Variants in LRGUK observed in about 807,000 individuals in gnomAD.
LRGUK encodes the protein leucine rich repeats and guanylate kinase domain containing.
A neutral mutation model predicts 76.0 loss-of-function variants in LRGUK; 65 were observed. The observed-to-expected ratio is 0.85, with a 90% CI of 0.70 to 1.05. LRGUK has a LOEUF of 1.05. Ranked by LOEUF, LRGUK falls within the 50% of genes least tolerant of loss-of-function variation. The pLI is 0.00. For synonymous variants in LRGUK, 268 were observed against 265.6 expected, an observed-to-expected ratio of 1.01 and a Z score of -0.09; for missense variants, 758 against 732.8, an observed-to-expected ratio of 1.03 and a Z score of -0.40.
intron 16 of LRGUK, among the ~76,000 whole-genome samples, chr7:134,238,327 C>T (rs138422748): frequency 1.8e-4 from 27 of 152,130 alleles, no homozygotes; most frequent in Admixed American, 9.2e-4. Flanking sequence ...TACCCTGTTT[C>T]CTTGTTTTGT....
the LRGUK span, among the ~76,000 whole-genome samples, chr7:134,274,189 T>C: frequency 2.0e-5 from 3 of 152,226 alleles, no homozygotes; most frequent in Non-Finnish European, 4.4e-5. Flanking sequence ...TTTTAATTAA[T>C]TGAAAGGTAG....
chr7:134,255,430 C>T (rs902623223), intron 18 of LRGUK, among the ~76,000 whole-genome samples: 2 of 152,310 alleles, frequency 1.3e-5, no homozygotes, highest in African/African-American at 2.4e-5. Context: ...TGTGCTAAGC[C>T]ACTTGGCTAC....
At chr7:134,207,039 A>G (rs1801037460) in intron 15 of LRGUK, among the ~76,000 whole-genome samples, 1 of 152,226 alleles carries the variant, frequency 6.6e-6, no homozygotes, top group South Asian at 2.1e-4. Flanking sequence ...TGGGGAACAC[A>G]TCCTTATATA....
intron 1 of LRGUK, among the ~76,000 whole-genome samples, chr7:134,133,913 T>C (rs1797417644): frequency 6.6e-6 from 1 of 151,728 alleles, no homozygotes; most frequent in Admixed American, 6.6e-5. Flanking sequence ...ATTATAAAAA[T>C]TAGCCAGGCA....
rs567442627 is a variant in LRGUK at position 134,165,109 on chromosome 7, A to G, written c.939+1569A>G. ...AAAGCTCTCATTAAATCTCAACTCA[A>G]TGCATCTCAGGATTTAGGAAAAGGA... is the stretch of plus-strand genomic sequence containing the variant. On this transcript the variant is annotated intron_variant, in intron 7 of 15. Transcript: ENST00000645682. Among the ~76,000 whole-genome samples the G allele has an allele frequency of 1.9e-4, 29 of 152,264 alleles. 1 individual carries two copies. The highest frequency in any genetic ancestry group is 6.7e-4 in the African/African-American group (28 of 41,558).
chr7:134,214,715 T>G (rs1345997842), downstream of LRGUK, among the ~76,000 whole-genome samples: 1 of 152,126 alleles, frequency 6.6e-6, no homozygotes, highest in Non-Finnish European at 1.5e-5. Context: ...TTTTAGTATT[T>G]TTTAAATTTT....
At chr7:134,194,287 GT>G (rs1030573862) in intron 12 of LRGUK, among the ~76,000 whole-genome samples, 5 of 151,684 alleles carry the variant, frequency 3.3e-5, no homozygotes, top group South Asian at 2.1e-4. Context: ...TCTAGAAAAT[GT>G]TTTTTTTAAT....
intron 7 of LRGUK, among the ~76,000 whole-genome samples, chr7:134,164,728 C>T (rs765621345): frequency 1.2e-4 from 18 of 152,108 alleles, no homozygotes; most frequent in Non-Finnish European, 2.5e-4. Context: ...TGTGGTGGTG[C>T]TTGTCGGTTT....
At chr7:134,258,121 C>A in intron 18 of LRGUK, 136 bp from the exon 19 acceptor site, 2 of 1,045,514 alleles carry the variant, frequency 1.9e-6, no homozygotes, top group Non-Finnish European at 2.8e-6. Context: ...TGAACACTAG[C>A]TCAACACAAG....
chr7:134,157,972 G>A, intron 5 of LRGUK, 63 bp from the exon 6 acceptor site: 1 of 1,493,014 alleles, frequency 6.7e-7, no homozygotes, highest in Non-Finnish European at 9.3e-7. Context: ...ATTTAACACT[G>A]ATTCTTTTTT....
intron 4 of LRGUK, among the ~76,000 whole-genome samples, chr7:134,144,003 G>A (rs1797873436): frequency 6.6e-6 from 1 of 152,226 alleles, no homozygotes; most frequent in Non-Finnish European, 1.5e-5. Flanking sequence ...TCACCTGAGG[G>A]AGTTTTCAGA....
downstream of LRGUK, among the ~76,000 whole-genome samples, chr7:134,267,536 T>C (rs1468668425): frequency 1.3e-5 from 2 of 152,178 alleles, no homozygotes; most frequent in African/African-American, 4.8e-5. Context: ...CATGGGGCAC[T>C]TTCCCCCATA....
At chr7:134,166,513 C>T (rs909026313) in intron 7 of LRGUK, among the ~76,000 whole-genome samples, 1 of 152,084 alleles carries the variant, frequency 6.6e-6, no homozygotes, top group African/African-American at 2.4e-5. Flanking sequence ...GTCTCAGTGT[C>T]GTTATGTCAC....
At chr7:134,182,600 G>C (rs1400472155) in intron 10 of LRGUK, among the ~76,000 whole-genome samples, 3 of 152,152 alleles carry the variant, frequency 2.0e-5, no homozygotes, top group Non-Finnish European at 4.4e-5. Flanking sequence ...TGTTTCCACA[G>C]ACTCTTCTCA....
At chr7:134,208,838 G>C (rs408150) in exon 16 of LRGUK, 333,135 of 398,834 alleles carry the variant, frequency 0.84, 142,403 homozygotes, top group Non-Finnish European at 0.9. Context: ...TCATGCCAAG[G>C]ACCTAGAAAA....
chr7:134,257,176 G>C (rs1195481687), intron 18 of LRGUK, among the ~76,000 whole-genome samples: 2 of 152,202 alleles, frequency 1.3e-5, no homozygotes, highest in East Asian at 3.8e-4. Context: ...AATCTGCCAT[G>C]AGAGCTGCAT....
chr7:134,255,262 C>CT (rs1790150865), intron 18 of LRGUK, among the ~76,000 whole-genome samples: 1 of 145,810 alleles, frequency 6.9e-6, no homozygotes, highest in African/African-American at 2.6e-5. Context: ...CACACACACA[C>CT]ACAAATTTAT....
intron 10 of LRGUK, among the ~76,000 whole-genome samples, chr7:134,181,933 A>G (rs1799769604): frequency 6.6e-6 from 1 of 152,180 alleles, no homozygotes; most frequent in African/African-American, 2.4e-5. Context: ...GCACCACTAC[A>G]GTCAAGATAT....
intron 2 of LRGUK, among the ~76,000 whole-genome samples, chr7:134,137,778 A>C (rs1297335320): frequency 6.6e-6 from 1 of 152,148 alleles, no homozygotes; most frequent in Non-Finnish European, 1.5e-5. Context: ...AAAACAATTT[A>C]AGTCGTTGTG....
Sources: allele counts gnomAD v4.1 joint callset (sites outside exome capture counted in the v4.1 genomes callset), GRCh38; gene constraint gnomAD v4.1.1; transcripts MANE v1.5; gene names NCBI Gene and HGNC (gene_info 2026-07-23, HGNC 2026-07-21).